Variants in CNTN3 observed in about 807,000 individuals in gnomAD.
CNTN3 encodes contactin-3.
A neutral mutation model predicts 119.1 loss-of-function variants in CNTN3; 60 were observed. The observed-to-expected ratio is 0.50, with a 90% CI of 0.41 to 0.62. The LOEUF (loss-of-function observed/expected upper bound fraction) is 0.62, where lower values mean the gene tolerates loss of function less well. Among genes scored for constraint, CNTN3 ranks in the 20% least tolerant of loss-of-function variants. CNTN3 has a pLI of 0.00. For missense variants in CNTN3, 1,101 were observed against 1,242.4 expected (o/e 0.89, Z 1.71); for synonymous variants, 450 against 438.7 (o/e 1.03, Z -0.32).
At chr3:74,427,898 T>A (rs1275234543) in intron 4 of CNTN3, among the ~76,000 whole-genome samples, 1 of 152,082 alleles carries the variant, frequency 6.6e-6, no homozygotes, top group Non-Finnish European at 1.5e-5. Context: ...TGCAGAGGCA[T>A]AAATAAATGG....
chr3:74,600,986 T>C (rs748911849), intron 1 of CNTN3, among the ~76,000 whole-genome samples: 1 of 151,784 alleles, frequency 6.6e-6, no homozygotes, highest in African/African-American at 2.4e-5. Context: ...TAGGTTAGTG[T>C]TGTTGTCTTT....
intron 20 of CNTN3, among the ~76,000 whole-genome samples, chr3:74,284,745 G>C (rs1036045189): frequency 6.6e-6 from 1 of 152,152 alleles, no homozygotes; most frequent in African/African-American, 2.4e-5. Context: ...TGCAGCTGGC[G>C]AATTTACCTG....
At chr3:74,285,989 T>C (rs1050115957) in intron 19 of CNTN3, among the ~76,000 whole-genome samples, 1 of 151,798 alleles carries the variant, frequency 6.6e-6, no homozygotes, top group African/African-American at 2.4e-5. Context: ...ATAAAAAAGA[T>C]GACATCATTT....
At chr3:74,450,590 A>G (rs1182221649) in intron 4 of CNTN3, among the ~76,000 whole-genome samples, 4 of 150,802 alleles carry the variant, frequency 2.7e-5, no homozygotes, top group Admixed American at 2.7e-4. Flanking sequence ...TATACATGTG[A>G]CATGCTGGTG....
At chr3:74,371,463 T>C in intron 5 of CNTN3, 64 bp from the exon 6 acceptor site, 1 of 1,201,758 alleles carries the variant, frequency 8.3e-7, no homozygotes. Context: ...ATTGTGTCCT[T>C]AATGTATCTA....
At chr3:74,395,981 C>G (rs1157298699) in intron 5 of CNTN3, among the ~76,000 whole-genome samples, 1 of 151,982 alleles carries the variant, frequency 6.6e-6, no homozygotes, top group African/African-American at 2.4e-5. Context: ...CTCCATGAAC[C>G]CTGCTCATGT....
intron 1 of CNTN3, among the ~76,000 whole-genome samples, chr3:74,580,095 G>T (rs1704479169): frequency 6.6e-6 from 1 of 152,074 alleles, no homozygotes; most frequent in African/African-American, 2.4e-5. Flanking sequence ...GACAATAAGA[G>T]CAGACAATAA....
chr3:74,415,925 T>G (rs1701512447), intron 5 of CNTN3, among the ~76,000 whole-genome samples: 1 of 152,206 alleles, frequency 6.6e-6, no homozygotes. Flanking sequence ...TGGCTCATCT[T>G]GTGGCAGGTG....
chr3:74,602,295 CAAAAA>C (rs1167052275), intron 1 of CNTN3, among the ~76,000 whole-genome samples: 3 of 19,706 alleles, frequency 1.5e-4, no homozygotes, highest in East Asian at 1.4e-3. Context: ...GACCTGGTCT[CAAAAA>C]AAAAAAAAAA....
In CNTN3 at chr3:74,472,194, C is replaced by G. The variant is rs147376548; in HGVS notation, c.358+14262G>C. ...CAACCTCAGTGGTTCAAATAATGCACTACTCTCCCATATTCCAACACAACA... is the reference window on the plus strand; with the variant it reads ...CAACCTCAGTGGTTCAAATAATGCAGTACTCTCCCATATTCCAACACAACA... On this transcript the variant is annotated intron_variant, in intron 4 of 22. Coordinates refer to ENST00000263665, the MANE Select transcript of CNTN3 (RefSeq NM_020872.3). Among the ~76,000 whole-genome samples the G allele has an allele frequency of 7.8e-3, 1,183 of 152,286 alleles. 13 individuals are homozygous for G. Among genetic ancestry groups the G allele is most frequent in the African/African-American group, 0.027 (1,129 of 41,562 alleles).
chr3:74,375,632 T>C (rs1022531114), intron 5 of CNTN3, among the ~76,000 whole-genome samples: 4 of 151,850 alleles, frequency 2.6e-5, no homozygotes, highest in Non-Finnish European at 1.5e-5. Flanking sequence ...GAACCAGGTA[T>C]GGTAGTCAGA....
intron 4 of CNTN3, among the ~76,000 whole-genome samples, chr3:74,483,112 A>G (rs1053738299): frequency 2.0e-5 from 3 of 152,160 alleles, no homozygotes; most frequent in Non-Finnish European, 4.4e-5. Context: ...CCAAAAATGC[A>G]GAACAAAACA....
At chr3:74,371,093 G>A (rs1038977240) in intron 6 of CNTN3, 103 bp downstream of exon 6, 2 of 778,418 alleles carry the variant, frequency 2.6e-6, no homozygotes, top group South Asian at 3.5e-5. Flanking sequence ...AAAACATGAA[G>A]TGACAATTCT....
chr3:74,362,758 A>G (rs1045534599), intron 10 of CNTN3, among the ~76,000 whole-genome samples: 3 of 152,190 alleles, frequency 2.0e-5, no homozygotes, highest in Admixed American at 2.0e-4. Flanking sequence ...TGTGAAAAAC[A>G]TTAAAAACCT....
At chr3:74,550,041 A>G (rs1703968069) in intron 1 of CNTN3, among the ~76,000 whole-genome samples, 1 of 152,202 alleles carries the variant, frequency 6.6e-6, no homozygotes, top group African/African-American at 2.4e-5. Context: ...AGTCAGATAC[A>G]CCAAGTCATA....
At chr3:74,561,856 A>G (rs920997258) in intron 1 of CNTN3, among the ~76,000 whole-genome samples, 3 of 152,214 alleles carry the variant, frequency 2.0e-5, no homozygotes, top group Admixed American at 6.5e-5. Context: ...ACCATCTTTT[A>G]AAGAAGGAAT....
At chr3:74,507,596 CCT>C (rs1255666139) in intron 2 of CNTN3, among the ~76,000 whole-genome samples, 10 of 151,020 alleles carry the variant, frequency 6.6e-5, no homozygotes, top group Middle Eastern at 3.4e-3. Context: ...CTTCTCCCTC[CCT>C]GTTTCTTTTT....
At chr3:74,295,319 AGCATTT>A (rs1356684676) in intron 18 of CNTN3, 83 bp from the exon 19 acceptor site, 5 of 736,758 alleles carry the variant, frequency 6.8e-6, no homozygotes, top group African/African-American at 1.8e-5. Flanking sequence ...TTTTTATAAA[AGCATTT>A]TAACGTATTT....
intron 20 of CNTN3, 142 bp from the exon 21 acceptor site, chr3:74,267,520 G>GA (rs1196626717): frequency 1.3e-5 from 7 of 553,422 alleles, no homozygotes; most frequent in East Asian, 2.8e-5. Flanking sequence ...GATGAAATCA[G>GA]AAAAAAATAA....
Sources: gnomAD v4.1 joint callset for allele counts (sites outside exome capture counted in the v4.1 genomes callset) on GRCh38, gnomAD v4.1.1 for gene constraint, MANE v1.5 for transcripts, NCBI Gene and HGNC (gene_info 2026-07-23, HGNC 2026-07-21) for gene names.